Variants in PSPC1 observed in about 807,000 individuals in gnomAD.
PSPC1 encodes paraspeckle protein 1.
Under a neutral mutation model 51.6 loss-of-function variants are expected in PSPC1, and 14 were observed. The ratio of observed to expected loss-of-function variants is 0.27; its 90% CI spans 0.18 to 0.42. PSPC1 has a LOEUF of 0.42. Among genes scored for constraint, PSPC1 ranks in the 10% least tolerant of loss-of-function variants. The pLI is 1.00. For missense variants in PSPC1, 406 were observed against 701.1 expected (o/e 0.58, Z 4.75); for synonymous variants, 193 against 231.9 (o/e 0.83, Z 1.53).
At chr13:19,759,131 C>G (rs569806143) in intron 3 of PSPC1, among the ~76,000 whole-genome samples, 192 bp downstream of exon 3, 2 of 151,726 alleles carry the variant, frequency 1.3e-5, no homozygotes, top group African/African-American at 4.8e-5. Flanking sequence ...GCCTGGGCGA[C>G]AGAGCAAGAT....
chr13:19,740,259 C>T (rs1885298265), intron 5 of PSPC1, among the ~76,000 whole-genome samples: 2 of 151,968 alleles, frequency 1.3e-5, no homozygotes, highest in South Asian at 4.1e-4. Flanking sequence ...AGGAGAATGG[C>T]TTGAACCCGG....
chr13:19,780,239 C>T (rs1441646382), intron 1 of PSPC1, among the ~76,000 whole-genome samples: 2 of 142,178 alleles, frequency 1.4e-5, no homozygotes, highest in African/African-American at 2.5e-5. Context: ...AGGTGAGGGG[C>T]GCCTCTGCCC....
At chr13:19,725,096 G>C (rs1883221718) in intron 6 of PSPC1, among the ~76,000 whole-genome samples, 1 of 152,170 alleles carries the variant, frequency 6.6e-6, no homozygotes, top group Non-Finnish European at 1.5e-5. Flanking sequence ...AGAAACACTT[G>C]CACCTGGGAG....
At chr13:19,780,186 G>T (rs1889783895) in intron 1 of PSPC1, among the ~76,000 whole-genome samples, 1 of 110,432 alleles carries the variant, frequency 9.1e-6, no homozygotes, top group Non-Finnish European at 2.0e-5. Flanking sequence ...GGAGGGAGGT[G>T]GGGGGGGTCA....
chr13:19,760,386 G>A (rs1177663232), intron 2 of PSPC1, among the ~76,000 whole-genome samples: 1 of 152,040 alleles, frequency 6.6e-6, no homozygotes, highest in East Asian at 1.9e-4. Context: ...AATTTAGCCA[G>A]GCGTGGTGGC....
intron 4 of PSPC1, among the ~76,000 whole-genome samples, chr13:19,749,134 G>A (rs940951640): frequency 6.6e-6 from 1 of 152,074 alleles, no homozygotes; most frequent in East Asian, 1.9e-4. Context: ...ATCACCTGAG[G>A]TCAGGAGTTC....
chr13:19,769,478 A>G (rs2340647), intron 2 of PSPC1, among the ~76,000 whole-genome samples: 139,300 of 152,218 alleles, frequency 0.92, 64,980 homozygotes, highest in Non-Finnish European at 1. Flanking sequence ...TGGTGAACCC[A>G]GGAGGCGGAG....
Position 19,782,808 on chromosome 13 carries a change from T to C in PSPC1, c.-51A>G. ...GATACAGGCCTAGATTTATAGACAG[T>C]GTGTCTATATATATGTATACGTCTC... On this transcript the variant is annotated 5_prime_UTR_variant, in exon 1 of 9. Transcript: ENST00000338910. This position sits in a 1 kb window ranked among gnomAD's most constrained non-coding sequence, Gnocchi z 4.5. The C allele has an allele frequency of 6.8e-7, 1 of 1,480,510 alleles. No homozygotes were observed. The highest frequency in any genetic ancestry group is 8.8e-7 in the Non-Finnish European group (1 of 1,130,464). 91.7% of individuals were successfully genotyped at this position (1,480,510 alleles called of 1,614,324 possible).
intron 7 of PSPC1, among the ~76,000 whole-genome samples, chr13:19,709,158 CAAAA>C (rs11446310): frequency 6.0e-5 from 5 of 83,726 alleles, no homozygotes; most frequent in African/African-American, 9.7e-5. Context: ...GGTCCTGCCT[CAAAA>C]AAAAAAAAAA....
chr13:19,695,176 CA>C (rs1879057598), intron 6 of PSPC1, among the ~76,000 whole-genome samples: 1 of 152,106 alleles, frequency 6.6e-6, no homozygotes, highest in Non-Finnish European at 1.5e-5. Context: ...CAAGTAATTC[CA>C]AAATAATTCA....
At chr13:19,720,821 C>A (rs893177939) in intron 6 of PSPC1, among the ~76,000 whole-genome samples, 2 of 152,106 alleles carry the variant, frequency 1.3e-5, no homozygotes, top group African/African-American at 4.8e-5. Context: ...AGAAAAGAAA[C>A]AAACTTACCC....
At chr13:19,758,141 C>A (rs1008891960) in intron 3 of PSPC1, among the ~76,000 whole-genome samples, 4 of 151,906 alleles carry the variant, frequency 2.6e-5, no homozygotes, top group Admixed American at 1.3e-4. Context: ...GGTGAAACCC[C>A]GTCTCTACTA....
chr13:19,691,698 C>T (rs1878569961), intron 6 of PSPC1, among the ~76,000 whole-genome samples: 1 of 152,072 alleles, frequency 6.6e-6, no homozygotes, highest in African/African-American at 2.4e-5. Flanking sequence ...GTAGGCGGAT[C>T]ACTTGAGGTC....
At chr13:19,772,891 G>C (rs1322236360) in intron 1 of PSPC1, among the ~76,000 whole-genome samples, 1 of 152,156 alleles carries the variant, frequency 6.6e-6, no homozygotes, top group Non-Finnish European at 1.5e-5. Flanking sequence ...GCTGGGCACA[G>C]TGGTTCACCC....
intron 6 of PSPC1, among the ~76,000 whole-genome samples, chr13:19,695,441 T>A (rs548665522): frequency 1.3e-5 from 2 of 152,166 alleles, no homozygotes; most frequent in South Asian, 2.1e-4. Flanking sequence ...ACTAATTTTT[T>A]AAAAAAATTT....
At chr13:19,695,998 G>A (rs1879178108) in intron 6 of PSPC1, among the ~76,000 whole-genome samples, 1 of 152,092 alleles carries the variant, frequency 6.6e-6, no homozygotes, top group Admixed American at 6.6e-5. Context: ...GCAGCCTAAT[G>A]TCGTAGACCT....
At chr13:19,733,616 A>G (rs1386507052) in intron 5 of PSPC1, among the ~76,000 whole-genome samples, 2 of 151,588 alleles carry the variant, frequency 1.3e-5, no homozygotes, top group South Asian at 2.1e-4. Flanking sequence ...CAAAAAAATT[A>G]CCCAGGTGTG....
intron 3 of PSPC1, among the ~76,000 whole-genome samples, chr13:19,758,355 T>C (rs1887292740): frequency 7.5e-6 from 1 of 134,078 alleles, no homozygotes; most frequent in South Asian, 2.7e-4. Flanking sequence ...TATGTAAATA[T>C]ACTTGTATTA....
At chr13:19,677,298 G>T (rs1007989714) in intron 7 of PSPC1, among the ~76,000 whole-genome samples, 1 of 151,542 alleles carries the variant, frequency 6.6e-6, no homozygotes, top group East Asian at 1.9e-4. Context: ...TTCTAGGTTT[G>T]GAGGTCATTA....
Sources: gnomAD v4.1 joint callset for allele counts (sites outside exome capture counted in the v4.1 genomes callset) on GRCh38, gnomAD v4.1.1 for gene constraint, Gnocchi (gnomAD v3.1) non-coding constraint, MANE v1.5 for transcripts, NCBI Gene and HGNC (gene_info 2026-07-23, HGNC 2026-07-21) for gene names.